TBC1D1: variants seen among roughly 807,000 people sequenced by gnomAD.
The protein encoded by TBC1D1 is TBC1 domain family member 1.
Under a neutral mutation model 125.6 loss-of-function variants are expected in TBC1D1, and 89 were observed. The ratio of observed to expected loss-of-function variants is 0.71; its 90% CI spans 0.60 to 0.85. TBC1D1 has a LOEUF of 0.85. TBC1D1 is among the 40% of genes least tolerant of loss of function. The pLI is 0.00. For synonymous variants in TBC1D1, 565 were observed against 564.1 expected, an observed-to-expected ratio of 1.00 and a Z score of -0.02; for missense variants, 1,377 against 1,469.2, an observed-to-expected ratio of 0.94 and a Z score of 1.03.
chr4:38,014,911 A>G lies in TBC1D1; in HGVS notation c.820A>G (p.Ile274Val), dbSNP rs766170990. The G allele has an allele frequency of 6.3e-7, 1 of 1,594,666 alleles. No homozygotes were observed. Among genetic ancestry groups the G allele is most frequent in the African/African-American group, 1.3e-5 (1 of 74,234 alleles). ...GGAGAGCGACATTGAGAACCACCTC[A>G]TTAGCGGACACAATATTGTGCAGCC... The change falls in exon 3 of 20, where the codon ATT (isoleucine) becomes GTT (valine). Residue 274 changes from isoleucine to valine, a missense_variant. Around this residue, in one of 3 missense-constraint regions of TBC1D1, gnomAD observed 822 missense variants for 824.6 expected, o/e 1.00. Coordinates refer to ENST00000261439, the MANE Select transcript of TBC1D1 (RefSeq NM_015173.4). This position sits in a 1 kb window ranked among gnomAD's most constrained non-coding sequence, Gnocchi z 5.1.
intron 2 of TBC1D1, among the ~76,000 whole-genome samples, chr4:38,006,060 G>T (rs1740100804): frequency 6.6e-6 from 1 of 152,162 alleles, no homozygotes; most frequent in South Asian, 2.1e-4. Context: ...GAGCAGAGAG[G>T]GCATGGGAAT....
chr4:37,942,187 C>T (rs964834511), intron 2 of TBC1D1, among the ~76,000 whole-genome samples: 9 of 152,166 alleles, frequency 5.9e-5, no homozygotes, highest in African/African-American at 2.2e-4. Flanking sequence ...TAAGGACTTG[C>T]TTTATGAATC....
intron 2 of TBC1D1, among the ~76,000 whole-genome samples, chr4:37,938,794 C>T (rs1019787583): frequency 9.2e-5 from 14 of 152,060 alleles, no homozygotes; most frequent in African/African-American, 1.7e-4. Context: ...TCTGTTCTTG[C>T]GATAGTTTGC....
intron 19 of TBC1D1, among the ~76,000 whole-genome samples, chr4:38,134,547 T>A (rs991317722): frequency 6.6e-6 from 1 of 152,240 alleles, no homozygotes; most frequent in East Asian, 1.9e-4. Flanking sequence ...TCATTTTAAA[T>A]GGCTTCCAAG....
intron 2 of TBC1D1, among the ~76,000 whole-genome samples, chr4:37,949,322 T>C (rs1345187006): frequency 1.3e-5 from 2 of 152,212 alleles, no homozygotes; most frequent in African/African-American, 4.8e-5. Flanking sequence ...GGAAAATTGT[T>C]TGCAAAGGAA....
rs116693216 is a variant in TBC1D1 at position 38,086,445 on chromosome 4, T to C, written c.2051-3487T>C. 3.4e-3 allele frequency among the ~76,000 whole-genome samples: 521 copies of C among 152,336 alleles called. 3 individuals are homozygous for C. The highest frequency in any genetic ancestry group is 0.017 in the Middle Eastern group (5 of 294). On this transcript the variant is annotated intron_variant, in intron 12 of 19. Coordinates refer to ENST00000261439, the MANE Select transcript of TBC1D1 (RefSeq NM_015173.4). ...TCCAGCCCCAAAATGTCAGTAGTGC[T>C]GAGGTTGAGAAACCCTCCTTTAAAC...
chr4:37,958,473 G>A (rs7676784), intron 2 of TBC1D1, among the ~76,000 whole-genome samples: 102 of 152,154 alleles, frequency 6.7e-4, no homozygotes, highest in African/African-American at 2.4e-3. Context: ...TGTTTCTTTT[G>A]CCTGGGGAGA....
At chr4:37,968,781 A>T (rs560559470) in intron 2 of TBC1D1, among the ~76,000 whole-genome samples, 1 of 145,448 alleles carries the variant, frequency 6.9e-6, no homozygotes, top group South Asian at 2.2e-4. Flanking sequence ...CCATGTAGAC[A>T]GGCAAGGAGG....
At chr4:37,917,780 C>T (rs1720048138) in intron 2 of TBC1D1, among the ~76,000 whole-genome samples, 1 of 152,116 alleles carries the variant, frequency 6.6e-6, no homozygotes, top group African/African-American at 2.4e-5. Context: ...ACTTTTGTAC[C>T]ATAATTTAGC....
Position 38,052,076 on chromosome 4 carries a change from T to C in TBC1D1, c.1911-2123T>C. 1 of 1,550,738 alleles carries C rather than the reference T, an allele frequency of 6.4e-7. No homozygotes were observed. On this transcript the variant is annotated intron_variant, in intron 11 of 19. Transcript: ENST00000261439. ...TGCCAAAGAGGTGAGCACACTCACGTGGCAAGTTTGGTGTTGTCTGTTTTC... is the reference window on the plus strand; with the variant it reads ...TGCCAAAGAGGTGAGCACACTCACGCGGCAAGTTTGGTGTTGTCTGTTTTC...
chr4:37,984,518 C>A (rs1560570796), intron 2 of TBC1D1, among the ~76,000 whole-genome samples: 1 of 152,134 alleles, frequency 6.6e-6, no homozygotes, highest in Non-Finnish European at 1.5e-5. Context: ...TGTAGTCCTA[C>A]TCCCTTTCTT....
At chr4:37,938,193 C>T (rs1724798151) in intron 2 of TBC1D1, among the ~76,000 whole-genome samples, 1 of 151,566 alleles carries the variant, frequency 6.6e-6, no homozygotes, top group African/African-American at 2.4e-5. Context: ...GCAGCTGGGG[C>T]AGCATAGTGA....
At chr4:37,954,883 AAC>A (rs1325922270) in intron 2 of TBC1D1, among the ~76,000 whole-genome samples, 5 of 130,288 alleles carry the variant, frequency 3.8e-5, no homozygotes, top group South Asian at 5.0e-4. Context: ...TTTTTTTTGA[AAC>A]AGTCTTTTTT....
chr4:38,110,653 T>C, intron 15 of TBC1D1: 1 of 985,452 alleles, frequency 1.0e-6, no homozygotes, highest in Non-Finnish European at 1.2e-6. Flanking sequence ...CCTCTCCACT[T>C]AACAGTCCCA....
chr4:37,905,417 C>G lies in TBC1D1; in HGVS notation c.417+2905C>G, dbSNP rs1717105821. Among the ~76,000 whole-genome samples, 4 of 152,138 alleles carry G rather than the reference C, an allele frequency of 2.6e-5. No homozygotes were observed. The South Asian group carries it at 6.2e-4, about 24-fold the overall frequency. On this transcript the variant is annotated intron_variant, in intron 2 of 19. Transcript: ENST00000261439. The stretch of plus-strand genomic sequence containing the variant: ...TATTAACTGGAGAAAAATTGGCGCT[C>G]TTTAAAGATTTTTTAAAATTGAGAA...
At chr4:38,055,917 A>T (rs62299978) in intron 12 of TBC1D1, among the ~76,000 whole-genome samples, 13,572 of 152,124 alleles carry the variant, frequency 0.089, 695 homozygotes, top group Admixed American at 0.14. Context: ...GGGTGCCAGA[A>T]CCCAAGTTTC....
chr4:38,072,955 T>C (rs1218240927), intron 12 of TBC1D1, among the ~76,000 whole-genome samples: 1 of 152,252 alleles, frequency 6.6e-6, no homozygotes, highest in Non-Finnish European at 1.5e-5. Flanking sequence ...TTTCTCTCTT[T>C]TTTTTCCGCC....
At chr4:38,083,232 A>T (rs1026606748) in intron 12 of TBC1D1, among the ~76,000 whole-genome samples, 6 of 151,192 alleles carry the variant, frequency 4.0e-5, no homozygotes, top group African/African-American at 1.5e-4. Flanking sequence ...TGCTTAAAAA[A>T]CCCCCAATCT....
chr4:37,960,151 G>A (rs1345483236), intron 2 of TBC1D1, among the ~76,000 whole-genome samples: 1 of 152,112 alleles, frequency 6.6e-6, no homozygotes, highest in Non-Finnish European at 1.5e-5. Context: ...TGTAAGAGTT[G>A]GGTTTTACCT....
Sources: gnomAD v4.1 joint callset for allele counts (sites outside exome capture counted in the v4.1 genomes callset) on GRCh38, gnomAD v4.1.1 for gene constraint, gnomAD v4.1.1 regional missense constraint, Gnocchi (gnomAD v3.1) non-coding constraint, MANE v1.5 for transcripts, NCBI Gene and HGNC (gene_info 2026-07-23, HGNC 2026-07-21) for gene names.